The following SOX5 variants were observed in gnomAD, a reference collection of about 807,000 sequenced individuals.
SOX5 encodes SRY-box transcription factor 5.
A neutral mutation model predicts 92.0 loss-of-function variants in SOX5; 9 were observed. The ratio of observed to expected loss-of-function variants is 0.10; its 90% CI spans 0.06 to 0.17. The LOEUF is 0.17. Ranked by LOEUF, SOX5 falls within the 10% of genes least tolerant of loss-of-function variation. The probability of loss-of-function intolerance (pLI) is 1.00; values close to 1 mark genes in which losing one functional copy is unlikely to be tolerated. For synonymous variants in SOX5, 344 were observed against 336.3 expected, an observed-to-expected ratio of 1.02 and a Z score of -0.25; for missense variants, 642 against 944.5, an observed-to-expected ratio of 0.68 and a Z score of 4.20.
intron 1 of SOX5, among the ~76,000 whole-genome samples, chr12:24,512,474 A>C (rs1949412178): frequency 6.6e-6 from 1 of 152,208 alleles, no homozygotes; most frequent in Non-Finnish European, 1.5e-5. Flanking sequence ...AATACTTAAG[A>C]CTCAAATATA....
Position 24,307,623 on chromosome 12 carries a change from G to C in SOX5, c.-173-30311C>G, listed in dbSNP as rs1948746403. On this transcript the variant is annotated intron_variant, in intron 2 of 4. Coordinates refer to the SOX5 transcript ENST00000446891. ...GCCCTCTTCCAAGTGTACTTTACTTGGTTTCATTCCTGCTCTAAAGCTTTT... is the reference window on the plus strand; with the variant it reads ...GCCCTCTTCCAAGTGTACTTTACTTCGTTTCATTCCTGCTCTAAAGCTTTT... 2.9e-5 allele frequency among the ~76,000 whole-genome samples: 2 copies of C among 68,584 alleles called. 1 individual carries two copies. The highest frequency in any genetic ancestry group is 1.4e-3 in the South Asian group (2 of 1,396). The allele number at this position is 68,584 out of a possible 152,430, so 45.0% of individuals were successfully genotyped here.
At chr12:24,035,991 G>C (rs991270207) in intron 4 of SOX5, among the ~76,000 whole-genome samples, 1 of 151,788 alleles carries the variant, frequency 6.6e-6, no homozygotes, top group African/African-American at 2.4e-5. Flanking sequence ...AAGGTGTGTG[G>C]GTGTTTTTTT....
chr12:23,575,289 T>C (rs979001559), intron 10 of SOX5, among the ~76,000 whole-genome samples: 2 of 152,206 alleles, frequency 1.3e-5, no homozygotes, highest in Non-Finnish European at 2.9e-5. Context: ...TTCATCATAA[T>C]GTATACTTTG....
rs13377644 is a variant in SOX5, at chr12:24,006,125, C to G, written c.-1-110101G>C. On this transcript the variant is annotated intron_variant, in intron 4 of 4. Coordinates refer to the SOX5 transcript ENST00000446891. ...GAAAAAATTATTACTCAGACCCAGTCAGTAAATATGAAAGTTTTTGTTAGA... is the reference window on the plus strand; with the variant it reads ...GAAAAAATTATTACTCAGACCCAGTGAGTAAATATGAAAGTTTTTGTTAGA... 6.2e-3 allele frequency among the ~76,000 whole-genome samples: 951 copies of G among 152,224 alleles called. 13 individuals carry two copies. Among genetic ancestry groups the G allele is most frequent in the African/African-American group, 0.021 (883 of 41,524 alleles).
chr12:23,894,241 A>ATTT (rs1048755912), intron 2 of SOX5, among the ~76,000 whole-genome samples: 3 of 151,756 alleles, frequency 2.0e-5, no homozygotes, highest in Admixed American at 6.6e-5. Context: ...TATTATTATT[A>ATTT]TTTTTGAGAT....
intron 13 of SOX5, among the ~76,000 whole-genome samples, chr12:23,540,361 T>TATG (rs1555131851): frequency 7.0e-6 from 1 of 142,784 alleles, no homozygotes. Flanking sequence ...AAACTTAAAG[T>TATG]ATAATAATAA....
intron 2 of SOX5, among the ~76,000 whole-genome samples, chr12:24,278,562 T>G (rs1944774240): frequency 6.6e-6 from 1 of 151,894 alleles, no homozygotes; most frequent in Admixed American, 6.6e-5. Flanking sequence ...AATTTAAAAA[T>G]TAGCTAAGCA....
At chr12:23,604,320 T>A (rs2074961402) in intron 9 of SOX5, 67 bp downstream of exon 9, 5 of 1,557,924 alleles carry the variant, frequency 3.2e-6, no homozygotes, top group Non-Finnish European at 4.4e-6. Flanking sequence ...ACAATAGACA[T>A]TTAATAAATA....
chr12:23,858,518 C>T (rs1384859705), intron 2 of SOX5, among the ~76,000 whole-genome samples: 4 of 152,036 alleles, frequency 2.6e-5, no homozygotes, highest in Non-Finnish European at 4.4e-5. Flanking sequence ...GTCAGAATGG[C>T]TATTATTAAA....
chr12:23,588,444 T>A (rs1951051290), intron 9 of SOX5, among the ~76,000 whole-genome samples: 1 of 152,014 alleles, frequency 6.6e-6, no homozygotes, highest in Non-Finnish European at 1.5e-5. Context: ...AAATAATTAA[T>A]GTGTAGTGAA....
rs576643474 is a variant in SOX5 at position 24,458,403 on chromosome 12, G to A, written c.-250-89764C>T. Among the ~76,000 whole-genome samples the A allele has an allele frequency of 2.0e-5, 3 of 152,082 alleles. No homozygotes were observed. The South Asian group carries it at 6.2e-4, about 32-fold the overall frequency. ...ATTATTTATGACATTATCATCTATG[G>A]GCATTTTTTTTCTTCATCTTCCAGG... On this transcript the variant is annotated intron_variant, in intron 1 of 4. Coordinates refer to the SOX5 transcript ENST00000446891.
chr12:23,736,267 C>G (rs1314984184), intron 5 of SOX5, among the ~76,000 whole-genome samples: 2 of 151,982 alleles, frequency 1.3e-5, no homozygotes, highest in Non-Finnish European at 2.9e-5. Context: ...CAAGACCATC[C>G]TGGCTAACAG....
intron 4 of SOX5, among the ~76,000 whole-genome samples, chr12:24,134,749 G>C (rs1949962798): frequency 6.6e-6 from 1 of 152,170 alleles, no homozygotes; most frequent in Admixed American, 6.5e-5. Flanking sequence ...GCAAGGCAAA[G>C]AAAGCTGCCC....
intron 4 of SOX5, among the ~76,000 whole-genome samples, chr12:24,039,841 A>C (rs758658535): frequency 2.6e-5 from 4 of 152,216 alleles, no homozygotes; most frequent in Non-Finnish European, 5.9e-5. Context: ...TTTAATCAAG[A>C]AACTTTTATC....
intron 4 of SOX5, among the ~76,000 whole-genome samples, chr12:24,096,972 C>T (rs1945497466): frequency 6.6e-6 from 1 of 152,106 alleles, no homozygotes; most frequent in Admixed American, 6.6e-5. Context: ...ATAGCGGTTG[C>T]ACCATTTCAC....
In SOX5 at chr12:23,708,984, T is replaced by C. The variant is rs528347575; in HGVS notation, c.810+25700A>G. ...CAAGATCATCATGAAAACCATTTCA[T>C]AGAGCTGGAAAATTGTTGTATTGAC... On this transcript the variant is annotated intron_variant, in intron 6 of 14. Transcript: ENST00000451604. Among the ~76,000 whole-genome samples the C allele has an allele frequency of 2.8e-3, 429 of 152,306 alleles. 4 individuals are homozygous for C. Among genetic ancestry groups the C allele is most frequent in the Middle Eastern group, 0.014 (4 of 294 alleles).
intron 1 of SOX5, among the ~76,000 whole-genome samples, chr12:24,445,515 G>C (rs1329919751): frequency 1.3e-5 from 2 of 152,250 alleles, no homozygotes; most frequent in South Asian, 2.1e-4. Flanking sequence ...GTCCAGAATA[G>C]GTTAAACAGG....
intron 4 of SOX5, among the ~76,000 whole-genome samples, chr12:24,209,751 G>A (rs930674509): frequency 4.6e-5 from 7 of 151,848 alleles, no homozygotes; most frequent in African/African-American, 7.3e-5. Context: ...GGGCGCGGTG[G>A]CTCACGCCTG....
chr12:24,418,059 C>A (rs552375671), intron 1 of SOX5, among the ~76,000 whole-genome samples: 2 of 152,104 alleles, frequency 1.3e-5, no homozygotes, highest in South Asian at 4.1e-4. Flanking sequence ...AATCAGACAT[C>A]TTTGGATGCT....
Sources: allele counts gnomAD v4.1 joint callset (sites outside exome capture counted in the v4.1 genomes callset), GRCh38; gene constraint gnomAD v4.1.1; transcripts MANE v1.5; gene names NCBI Gene and HGNC (gene_info 2026-07-23, HGNC 2026-07-21).